The following SLC2A2 variants were observed in gnomAD, a reference collection of about 807,000 sequenced individuals.
SLC2A2 encodes solute carrier family 2, facilitated glucose transporter member 2.
In SLC2A2, 36 loss-of-function variants were observed where a neutral mutation model predicts 54.5. The ratio of observed to expected loss-of-function variants is 0.66; its 90% CI spans 0.51 to 0.87. The LOEUF is 0.87. SLC2A2 is among the 40% of genes least tolerant of loss of function. The pLI is 0.00. For missense variants in SLC2A2, 543 were observed against 624.3 expected (o/e 0.87, Z 1.39); for synonymous variants, 223 against 219.1 (o/e 1.02, Z -0.16).
chr3:171,006,925 T>C (rs896747560), intron 5 of SLC2A2, among the ~76,000 whole-genome samples: 41 of 151,950 alleles, frequency 2.7e-4, no homozygotes, highest in African/African-American at 8.9e-4. Context: ...GGAGTGATAA[T>C]AATTTACCTT....
chr3:171,020,246 A>G (rs1376455394), intron 1 of SLC2A2, among the ~76,000 whole-genome samples: 1 of 152,182 alleles, frequency 6.6e-6, no homozygotes, highest in Non-Finnish European at 1.5e-5. Flanking sequence ...TTCACAAAGT[A>G]TTGTCACAGA....
At chr3:171,004,533 C>G (rs1011430004) in intron 7 of SLC2A2, among the ~76,000 whole-genome samples, 3 of 151,746 alleles carry the variant, frequency 2.0e-5, no homozygotes, top group Non-Finnish European at 2.9e-5. Context: ...TTGGCATTGG[C>G]TCACTACAGC....
chr3:171,013,897 A>G (rs533342263), intron 3 of SLC2A2, among the ~76,000 whole-genome samples: 6 of 112,152 alleles, frequency 5.3e-5, no homozygotes, highest in African/African-American at 2.3e-4. Flanking sequence ...CAGAAACTCA[A>G]GTGATAAATG....
At chr3:171,018,051 G>A (rs914450312) in intron 2 of SLC2A2, among the ~76,000 whole-genome samples, 9 of 152,060 alleles carry the variant, frequency 5.9e-5, no homozygotes, top group Non-Finnish European at 1.2e-4. Context: ...GACTGGAAAT[G>A]GGCATAATAA....
chr3:171,007,312 A>C, intron 4 of SLC2A2, 49 bp from the exon 5 acceptor site: 119 of 1,101,398 alleles, frequency 1.1e-4, no homozygotes, highest in Non-Finnish European at 1.5e-4. Context: ...GGACTATCTC[A>C]ATAATAACAA....
At chr3:171,024,726 T>C (rs1716607671) in intron 1 of SLC2A2, among the ~76,000 whole-genome samples, 1 of 152,138 alleles carries the variant, frequency 6.6e-6, no homozygotes. Flanking sequence ...GTTTATGTCA[T>C]TTGTCTGATT....
intron 2 of SLC2A2, among the ~76,000 whole-genome samples, 171 bp from the exon 3 acceptor site, chr3:171,014,902 G>A (rs529769054): frequency 6.2e-4 from 95 of 152,188 alleles, no homozygotes; most frequent in Middle Eastern, 6.8e-3. Context: ...TAAAAGAAAG[G>A]TTATAAATTA....
intron 8 of SLC2A2, 129 bp from the exon 9 acceptor site, chr3:170,999,295 C>T (rs951411882): frequency 1.6e-4 from 114 of 711,880 alleles, no homozygotes; most frequent in Non-Finnish European, 2.7e-4. Flanking sequence ...TTCCATCCTT[C>T]CATTTTACAG....
intron 1 of SLC2A2, among the ~76,000 whole-genome samples, chr3:171,022,201 A>G (rs1716494719): frequency 6.6e-6 from 1 of 152,238 alleles, no homozygotes; most frequent in South Asian, 2.1e-4. Context: ...TTAAAGAACA[A>G]TGACTTGGTT....
At chr3:170,999,500 G>A (rs1221853493) in intron 8 of SLC2A2, among the ~76,000 whole-genome samples, 1 of 151,978 alleles carries the variant, frequency 6.6e-6, no homozygotes, top group South Asian at 2.1e-4. Flanking sequence ...GTACAGCTGG[G>A]GTCTCTTCCA....
chr3:171,020,630 C>T (rs1280246586), intron 1 of SLC2A2, among the ~76,000 whole-genome samples: 5 of 151,962 alleles, frequency 3.3e-5, no homozygotes, highest in Non-Finnish European at 7.4e-5. Flanking sequence ...CACCTGTAAT[C>T]CCACCACTTT....
chr3:171,013,729 T>C (rs1420488197), intron 3 of SLC2A2, among the ~76,000 whole-genome samples: 1 of 152,242 alleles, frequency 6.6e-6, no homozygotes, highest in Non-Finnish European at 1.5e-5. Flanking sequence ...AAAGGTGGGC[T>C]CAAATAGGAG....
intron 4 of SLC2A2, among the ~76,000 whole-genome samples, chr3:171,009,518 T>C (rs1430722369): frequency 6.6e-6 from 1 of 152,028 alleles, no homozygotes; most frequent in African/African-American, 2.4e-5. Context: ...GGTCGTGGTA[T>C]AGCAGTCTCC....
In SLC2A2 at chr3:171,014,472, C is replaced by T; in HGVS notation, c.368G>A (p.Gly123Glu). The change falls in exon 3 of 11, where the codon GGA (glycine) becomes GAA (glutamate). Residue 123 changes from glycine to glutamate, a missense_variant. Around this residue, in one of 3 missense-constraint regions of SLC2A2, gnomAD observed 318 missense variants for 343.8 expected, o/e 0.93. Transcript: ENST00000314251. ...FFGGWLGDTL[G>E]RIKAMLVANI... ...CTTATTTATGAAATTTGCCTACCTTCCAAGTGTGTCCCCAAGCCACCCACC... is the reference window on the plus strand; with the variant it reads ...CTTATTTATGAAATTTGCCTACCTTTCAAGTGTGTCCCCAAGCCACCCACC... The T allele has an allele frequency of 6.2e-7, 1 of 1,614,112 alleles. No individual in the cohort carries two copies. The highest frequency in any genetic ancestry group is 8.5e-7 in the Non-Finnish European group (1 of 1,179,960).
chr3:171,020,693 G>A (rs1455566133), intron 1 of SLC2A2, among the ~76,000 whole-genome samples: 1 of 151,798 alleles, frequency 6.6e-6, no homozygotes, highest in African/African-American at 2.4e-5. Context: ...GACCAGCCTG[G>A]GTAGCATAGC....
At chr3:171,013,922 T>C (rs1410539360) in intron 3 of SLC2A2, among the ~76,000 whole-genome samples, 1 of 115,762 alleles carries the variant, frequency 8.6e-6, no homozygotes, top group African/African-American at 4.3e-5. Flanking sequence ...TATCTCTTGC[T>C]TCATCTCTGG....
intron 2 of SLC2A2, among the ~76,000 whole-genome samples, chr3:171,015,971 C>G (rs972489276): frequency 1.3e-5 from 2 of 152,086 alleles, no homozygotes; most frequent in Non-Finnish European, 2.9e-5. Context: ...TCATTCCTCT[C>G]AATGATGATT....
chr3:171,011,222 G>A (rs561502401), intron 3 of SLC2A2, among the ~76,000 whole-genome samples: 7 of 152,214 alleles, frequency 4.6e-5, no homozygotes, highest in South Asian at 2.1e-4. Context: ...TAAATGTTAC[G>A]TCACATAGCA....
chr3:171,010,746 G>A (rs1400997618), intron 3 of SLC2A2, among the ~76,000 whole-genome samples: 1 of 151,866 alleles, frequency 6.6e-6, no homozygotes, highest in East Asian at 1.9e-4. Context: ...TTTTAATATT[G>A]TATGCCAGCA....
Sources: allele counts gnomAD v4.1 joint callset (sites outside exome capture counted in the v4.1 genomes callset), GRCh38; gene constraint gnomAD v4.1.1; regional missense constraint gnomAD v4.1.1; transcripts MANE v1.5; gene names NCBI Gene and HGNC (gene_info 2026-07-23, HGNC 2026-07-21).